The following MTHFD2L variants were observed in gnomAD, a reference collection of about 807,000 sequenced individuals.
MTHFD2L encodes methylenetetrahydrofolate dehydrogenase (NADP+ dependent) 2 like, also known as bifunctional methylenetetrahydrofolate dehydrogenase/cyclohydrolase 2, mitochondrial.
MTHFD2L carries 29 observed loss-of-function variants against 34.9 expected under a neutral mutation model. The ratio of observed to expected loss-of-function variants is 0.83; its 90% CI spans 0.62 to 1.13. MTHFD2L has a LOEUF of 1.13. Among genes scored for constraint, MTHFD2L ranks in the 50% most tolerant of loss-of-function variants. The probability of loss-of-function intolerance (pLI) is 0.00; values close to 1 mark genes in which losing one functional copy is unlikely to be tolerated. For missense variants in MTHFD2L, 481 were observed against 446.5 expected, an observed-to-expected ratio of 1.08 and a Z score of -0.70; for synonymous variants, 167 against 155.7, an observed-to-expected ratio of 1.07 and a Z score of -0.54.
intron 1 of MTHFD2L, among the ~76,000 whole-genome samples, chr4:74,158,720 CT>C (rs950206593): frequency 6.6e-6 from 1 of 152,258 alleles, no homozygotes; most frequent in Admixed American, 6.5e-5. Context: ...TTGTCTAAGT[CT>C]TTTCCAACTC....
chr4:74,254,604 T>C (rs1316855846), intron 6 of MTHFD2L, among the ~76,000 whole-genome samples: 1 of 143,796 alleles, frequency 7.0e-6, no homozygotes, highest in Non-Finnish European at 1.5e-5. Flanking sequence ...AAAAAAATGC[T>C]GAGGGAGTTT....
intron 3 of MTHFD2L, chr4:74,194,994 T>A (rs1003994026): frequency 6.6e-6 from 1 of 152,254 alleles, no homozygotes; most frequent in Non-Finnish European, 1.5e-5. Flanking sequence ...GAAGTTTTTC[T>A]TTTAACAGTG....
intron 5 of MTHFD2L, among the ~76,000 whole-genome samples, chr4:74,209,620 G>T (rs1735958317): frequency 2.0e-5 from 3 of 152,170 alleles, no homozygotes; most frequent in Admixed American, 2.0e-4. Flanking sequence ...TTGGTTCCAA[G>T]TCTTTGCTGT....
chr4:74,274,091 A>G (rs756503752), intron 6 of MTHFD2L, among the ~76,000 whole-genome samples: 1 of 151,896 alleles, frequency 6.6e-6, no homozygotes, highest in Admixed American at 6.6e-5. Flanking sequence ...ACCTCAAGTG[A>G]TACACCTCCT....
At position 74,174,687 on chromosome 4, in the gene MTHFD2L, G is replaced by A. The variant is rs61744957; in HGVS notation, c.325G>A (p.Val109Ile). 8.3e-4 allele frequency: 1,243 copies of A among 1,492,194 alleles called. 1 individual carries two copies. Among genetic ancestry groups the A allele is most frequent in the Non-Finnish European group, 1.0e-3 (1,170 of 1,119,246 alleles). The allele number at this position is 1,492,194 out of a possible 1,614,324, so 92.4% of individuals were successfully genotyped here. ...VRNKIRAASA[V>I]GICSELILKP... Reference sequence around the variant, plus strand: ...GAATAAGATAAGAGCTGCCTCTGCTGTAGGTGGGTGTGTGTTTTAGTTGTA... The same window carrying A: ...GAATAAGATAAGAGCTGCCTCTGCTATAGGTGGGTGTGTGTTTTAGTTGTA... Residue 109 changes from valine to isoleucine, a missense_variant, in exon 2 of 8, where the codon GTA becomes ATA. Coordinates refer to ENST00000325278, the MANE Select transcript of MTHFD2L (RefSeq NM_001144978.3).
chr4:74,115,797 G>A (rs757721571), intron 2 of MTHFD2L, among the ~76,000 whole-genome samples: 15 of 152,066 alleles, frequency 9.9e-5, no homozygotes, highest in African/African-American at 1.4e-4. Flanking sequence ...AGCTATTATC[G>A]ATAGCTGAAT....
At chr4:74,245,726 T>C (rs910138294) in intron 6 of MTHFD2L, among the ~76,000 whole-genome samples, 3 of 151,654 alleles carry the variant, frequency 2.0e-5, no homozygotes, top group Non-Finnish European at 4.4e-5. Context: ...GAACACGTGG[T>C]GTTTGGTTTT....
At chr4:74,205,754 T>A (rs1735187604) in intron 5 of MTHFD2L, among the ~76,000 whole-genome samples, 1 of 151,966 alleles carries the variant, frequency 6.6e-6, no homozygotes, top group African/African-American at 2.4e-5. Context: ...ATATAGCACT[T>A]TAGCTGCTAT....
chr4:74,209,811 A>G (rs1276484541), intron 5 of MTHFD2L, among the ~76,000 whole-genome samples: 2 of 152,160 alleles, frequency 1.3e-5, no homozygotes, highest in Non-Finnish European at 2.9e-5. Flanking sequence ...ACTCCCACCA[A>G]CAGTGTAAAA....
chr4:74,295,885 C>T (rs566513641), intron 7 of MTHFD2L, among the ~76,000 whole-genome samples: 4 of 152,238 alleles, frequency 2.6e-5, no homozygotes, highest in South Asian at 2.1e-4. Context: ...TGGAAAAACT[C>T]GGCATGGATA....
intron 6 of MTHFD2L, among the ~76,000 whole-genome samples, chr4:74,226,887 T>A (rs1169250166): frequency 6.6e-6 from 1 of 152,102 alleles, no homozygotes; most frequent in African/African-American, 2.4e-5. Flanking sequence ...TAATGATAAG[T>A]GCTATAATGA....
chr4:74,144,440 G>A (rs184175421), intron 1 of MTHFD2L, among the ~76,000 whole-genome samples: 17 of 152,196 alleles, frequency 1.1e-4, no homozygotes, highest in African/African-American at 1.7e-4. Flanking sequence ...ATGACAAGGT[G>A]AGACTGTCTC....
chr4:74,179,846 T>G (rs188385783), intron 3 of MTHFD2L, among the ~76,000 whole-genome samples: 314 of 152,234 alleles, frequency 2.1e-3, no homozygotes, highest in Non-Finnish European at 3.3e-3. Flanking sequence ...TCTTCTGGCA[T>G]TAATAATACT....
Position 74,289,659 on chromosome 4 carries a change from C to T in MTHFD2L, c.931+8109C>T, listed in dbSNP as rs553277861. On this transcript the variant is annotated intron_variant, in intron 7 of 7. Transcript: ENST00000325278. ...CTGTTAAGAGGCTATTGTAATTATCCAAGTAAGAACTGATGGGGCGTGGAC... is the reference window on the plus strand; with the variant it reads ...CTGTTAAGAGGCTATTGTAATTATCTAAGTAAGAACTGATGGGGCGTGGAC... 1.2e-4 allele frequency among the ~76,000 whole-genome samples: 18 copies of T among 152,138 alleles called. No homozygotes were observed. The South Asian group carries it at 2.7e-3, about 23-fold the overall frequency.
At chr4:74,225,484 G>A in intron 6 of MTHFD2L, 90 bp downstream of exon 6, 1 of 1,036,926 alleles carries the variant, frequency 9.6e-7, no homozygotes, top group Non-Finnish European at 1.5e-6. Flanking sequence ...CTTTTTGAGA[G>A]AGTTAGCTTT....
intron 6 of MTHFD2L, among the ~76,000 whole-genome samples, chr4:74,257,072 A>G (rs566915566): frequency 2.6e-4 from 39 of 152,226 alleles, no homozygotes; most frequent in African/African-American, 9.1e-4. Context: ...TTTAATGATA[A>G]TGATATTTCC....
At chr4:74,193,430 A>G (rs991026591) in intron 3 of MTHFD2L, among the ~76,000 whole-genome samples, 1 of 152,166 alleles carries the variant, frequency 6.6e-6, no homozygotes, top group Non-Finnish European at 1.5e-5. Context: ...TGGATATTCT[A>G]AGTCCTTTAA....
intron 1 of MTHFD2L, among the ~76,000 whole-genome samples, chr4:74,172,961 C>G (rs1466403789): frequency 2.6e-5 from 4 of 152,136 alleles, no homozygotes; most frequent in Non-Finnish European, 2.9e-5. Context: ...TTTATAGCAC[C>G]CGCCCTCATT....
intron 6 of MTHFD2L, among the ~76,000 whole-genome samples, chr4:74,256,818 A>T (rs566362112): frequency 9.9e-5 from 15 of 152,158 alleles, no homozygotes; most frequent in Non-Finnish European, 1.9e-4. Flanking sequence ...TTTTTGTACC[A>T]GCATCATGCT....
Sources: allele counts gnomAD v4.1 joint callset (sites outside exome capture counted in the v4.1 genomes callset), GRCh38; gene constraint gnomAD v4.1.1; transcripts MANE v1.5; gene names NCBI Gene and HGNC (gene_info 2026-07-23, HGNC 2026-07-21).